Variants in SLFN14 observed in about 807,000 individuals in gnomAD.
The protein encoded by SLFN14 is protein SLFN14.
Under a neutral mutation model 58.6 loss-of-function variants are expected in SLFN14, and 47 were observed. The observed-to-expected ratio is 0.80, with a 90% confidence interval of 0.64 to 1.02. SLFN14 has a LOEUF of 1.02. Ranked by LOEUF, SLFN14 falls within the 50% of genes least tolerant of loss-of-function variation. SLFN14 has a pLI of 0.00. For synonymous variants in SLFN14, 390 were observed against 387.3 expected (o/e 1.01, Z -0.08); for missense variants, 967 against 1,078.4 (o/e 0.90, Z 1.45).
Position 35,548,709 on chromosome 17 carries a change from T to G in SLFN14, c.2269A>C (p.Met757Leu). The G allele has an allele frequency of 1.3e-6, 2 of 1,551,718 alleles. No homozygotes were observed. The highest frequency in any genetic ancestry group is 2.4e-5 in the East Asian group (1 of 40,926). Residue 757 changes from methionine (M) to leucine (L), a missense_variant, in exon 6 of 6, where the codon ATG (methionine) becomes CTG (leucine). By Grantham distance (15) the Met-to-Leu change is conservative. Coordinates refer to ENST00000674182, the MANE Select transcript of SLFN14 (RefSeq NM_001129820.2). ...AACAATGCTAATGTGTCTGGAGACA[T>G]GTTGGAGGGAGGATTTTCTTTGATC... The part of the protein sequence containing the change: ...KRIKENPPSN[M>L]SPDTLALFSE...
chr17:35,558,008 C>T lies in SLFN14; in HGVS notation c.55G>A (p.Val19Met). Residue 19 changes from valine (V) to methionine (M), a missense_variant, in exon 3 of 6, where the codon GTG (valine) becomes ATG (methionine). Coordinates refer to ENST00000674182, the MANE Select transcript of SLFN14 (RefSeq NM_001129820.2). The stretch of plus-strand genomic sequence containing the variant: ...TCTTCTCCAAAAATCACTCTGCCCA[C>T]ATCTACTATTACCTCAGGATACGGC... ...EMPYPEVIVD[V>M]GRVIFGEENR... The T allele has an allele frequency of 6.4e-7, 1 of 1,551,590 alleles. No individual in the cohort carries two copies. Among genetic ancestry groups the T allele is most frequent in the Non-Finnish European group, 8.7e-7 (1 of 1,146,996 alleles).
chr17:35,560,292 A>C (rs2072687860), intron 1 of SLFN14, among the ~76,000 whole-genome samples: 1 of 152,220 alleles, frequency 6.6e-6, no homozygotes, highest in South Asian at 2.1e-4. Flanking sequence ...CTGAGATTCT[A>C]GCTCGAGATG....
chr17:35,551,773 G>A (rs2072590142), intron 5 of SLFN14, among the ~76,000 whole-genome samples: 1 of 139,222 alleles, frequency 7.2e-6, no homozygotes, highest in Middle Eastern at 3.8e-3. Context: ...CTGTTATTAT[G>A]TTAATCAATC....
At chr17:35,555,447 G>C (rs1381273170) in intron 3 of SLFN14, among the ~76,000 whole-genome samples, 3 of 151,996 alleles carry the variant, frequency 2.0e-5, no homozygotes, top group African/African-American at 4.8e-5. Context: ...AGCTGCTCGG[G>C]AGGCTGAGGT....
In SLFN14 at chr17:35,553,207, G is replaced by C. The variant is rs879704702; in HGVS notation, c.1427C>G (p.Pro476Arg). ...PVVLYTILID[P>R]NWPGGLEYAR... is the part of the protein sequence containing the mutation. ...ATATTCAAGTCCTCCAGGCCAATTGGGGTCTATTAAGATTGTATAGAGTAC... is the reference window on the plus strand; with the variant it reads ...ATATTCAAGTCCTCCAGGCCAATTGCGGTCTATTAAGATTGTATAGAGTAC... The change falls in exon 5 of 6, where the codon CCC becomes CGC. Residue 476 changes from proline (P) to arginine (R), a missense_variant. By Grantham distance (103) the Pro-to-Arg change is moderately radical. Coordinates refer to ENST00000674182, the MANE Select transcript of SLFN14 (RefSeq NM_001129820.2). 36 of 1,551,520 alleles carry C rather than the reference G, an allele frequency of 2.3e-5. No individual in the cohort carries two copies. The highest frequency in any genetic ancestry group is 3.1e-5 in the Non-Finnish European group (36 of 1,146,988).
At position 35,548,407 on chromosome 17, in the gene SLFN14, T is replaced by C; in HGVS notation, c.2571A>G (p.Gly857=). The C allele has an allele frequency of 6.4e-7, 1 of 1,551,714 alleles. No homozygotes were observed. The highest frequency in any genetic ancestry group is 8.7e-7 in the Non-Finnish European group (1 of 1,146,996). Reference sequence around the variant, plus strand: ...GAATACTGTCTAAAACAATGTGACTTCCCCAAACACCGGTGGCCGGGCTAA... The same window carrying C: ...GAATACTGTCTAAAACAATGTGACTCCCCCAAACACCGGTGGCCGGGCTAA... ...VVFSPATGVW[G]SHIVLDSIQQ... is the part of the protein sequence containing the mutation. Residue 857 remains glycine, a synonymous_variant, in exon 6 of 6, where the codon GGA becomes GGG. Coordinates refer to ENST00000674182, the MANE Select transcript of SLFN14 (RefSeq NM_001129820.2).
At position 35,553,020 on chromosome 17, in the gene SLFN14, C is replaced by G. The variant is rs1567712266; in HGVS notation, c.1614G>C (p.Glu538Asp). ...RYPRSYRLAD[E>D]EEMEDLLQAL... ...CCTGCAGCAAGTCTTCCATTTCCTCCTCATCAGCAAGCCTGTAGGACCTGG... is the reference window on the plus strand; with the variant it reads ...CCTGCAGCAAGTCTTCCATTTCCTCGTCATCAGCAAGCCTGTAGGACCTGG... Residue 538 changes from glutamate (E) to aspartate (D), a missense_variant, in exon 5 of 6, where the codon GAG becomes GAC. Coordinates refer to ENST00000674182, the MANE Select transcript of SLFN14 (RefSeq NM_001129820.2). 6.4e-7 allele frequency: 1 copy of G among 1,551,630 alleles called. No homozygotes were observed. The highest frequency in any genetic ancestry group is 2.4e-5 in the East Asian group (1 of 40,920).
Position 35,552,946 on chromosome 17 carries a change from A to T in SLFN14, c.1688T>A (p.Met563Lys). 1 of 1,551,584 alleles carries T rather than the reference A, an allele frequency of 6.4e-7. No individual in the cohort carries two copies. The highest frequency in any genetic ancestry group is 1.2e-5 in the South Asian group (1 of 84,054). The change falls in exon 5 of 6, where the codon ATG becomes AAG. Residue 563 changes from methionine (M) to lysine (K), a missense_variant. By Grantham distance (95) the Met-to-Lys change is moderately conservative (BLOSUM62 -1). Transcript: ENST00000674182. ...GAGCAAGTTGAAAAATTCACAGCCC[A>T]TCTGGTCACTCAGAAGAGATCTGGA... ...LSSRSLLSDQMGCEFFNLLIM... is the reference protein window; with the variant it reads ...LSSRSLLSDQKGCEFFNLLIM...
At chr17:35,553,619 G>T in intron 4 of SLFN14, 175 bp from the exon 5 acceptor site, 2 of 599,614 alleles carry the variant, frequency 3.3e-6, no homozygotes, top group South Asian at 2.3e-5. Context: ...CCATCCCCAC[G>T]GACATTTGGC....
At chr17:35,552,057 G>A (rs576508594) in intron 5 of SLFN14, among the ~76,000 whole-genome samples, 1 of 152,144 alleles carries the variant, frequency 6.6e-6, no homozygotes, top group African/African-American at 2.4e-5. Flanking sequence ...TTCAAATGGA[G>A]CCCCAGATGC....
chr17:35,556,335 T>C (rs1207242604), intron 3 of SLFN14, among the ~76,000 whole-genome samples: 1 of 152,188 alleles, frequency 6.6e-6, no homozygotes, highest in Non-Finnish European at 1.5e-5. Flanking sequence ...GAGTTATTCT[T>C]AAACAGTGTT....
chr17:35,550,093 C>G (rs1350754513), intron 5 of SLFN14, among the ~76,000 whole-genome samples: 9 of 152,194 alleles, frequency 5.9e-5, no homozygotes, highest in Non-Finnish European at 1.5e-5. Flanking sequence ...TCAGACCTAC[C>G]ATTCTGGTTC....
chr17:35,557,834 C>G lies in SLFN14; in HGVS notation c.229G>C (p.Gly77Arg). ...KTYSYQCHGLGQDLETSFQKL... is the reference protein window; with the variant it reads ...KTYSYQCHGLRQDLETSFQKL... ...TGAAAAGAAGTTTCCAAATCCTGTCCCAGCCCATGGCATTGGTAACTATAG... is the reference window on the plus strand; with the variant it reads ...TGAAAAGAAGTTTCCAAATCCTGTCGCAGCCCATGGCATTGGTAACTATAG... The change falls in exon 3 of 6, where the codon GGA becomes CGA. Residue 77 changes from glycine (G) to arginine (R), a missense_variant. Transcript: ENST00000674182. 4.5e-6 allele frequency: 7 copies of G among 1,551,698 alleles called. No homozygotes were observed. Among genetic ancestry groups the G allele is most frequent in the Non-Finnish European group, 6.1e-6 (7 of 1,146,994 alleles).
chr17:35,549,407 A>C (rs2072564128), intron 5 of SLFN14, among the ~76,000 whole-genome samples: 1 of 152,248 alleles, frequency 6.6e-6, no homozygotes, highest in Non-Finnish European at 1.5e-5. Flanking sequence ...GAAATCTCAA[A>C]GTTAACTTAC....
intron 3 of SLFN14, 34 bp from the exon 4 acceptor site, chr17:35,554,738 A>G: frequency 7.6e-7 from 1 of 1,317,068 alleles, no homozygotes; most frequent in Non-Finnish European, 9.7e-7. Context: ...TTTCAGACAA[A>G]AAATAAAAAG....
At chr17:35,554,769 G>T (rs778120106) in intron 3 of SLFN14, 65 bp from the exon 4 acceptor site, 30 of 852,866 alleles carry the variant, frequency 3.5e-5, no homozygotes, top group Non-Finnish European at 4.8e-5. Flanking sequence ...AAAAAAAAAA[G>T]CCTCTTTTTT....
Position 35,557,911 on chromosome 17 carries a change from G to A in SLFN14, c.152C>T (p.Ala51Val), listed in dbSNP as rs2072669566. ...CACACCACCTCCAGAATTTAACAGT[G>A]CACATATAGCCCGGATAATTCTAGA... Reference protein sequence around the residue: ...ENSRIIRAICALLNSGGGVIK... With the variant: ...ENSRIIRAICVLLNSGGGVIK... Residue 51 changes from alanine to valine, a missense_variant, in exon 3 of 6, where the codon GCA becomes GTA. Physicochemically the swap from Ala to Val is moderately conservative, Grantham distance 64. Coordinates refer to ENST00000674182, the MANE Select transcript of SLFN14 (RefSeq NM_001129820.2). 1.3e-6 allele frequency: 2 copies of A among 1,551,548 alleles called. No homozygotes were observed. The highest frequency in any genetic ancestry group is 1.7e-6 in the Non-Finnish European group (2 of 1,147,002).
rs372213109 is a variant in SLFN14 at position 35,548,771 on chromosome 17, A to G, written c.2207T>C (p.Leu736Pro). 20 of 1,551,528 alleles carry G rather than the reference A, an allele frequency of 1.3e-5. No individual in the cohort carries two copies. The highest frequency in any genetic ancestry group is 1.7e-5 in the Non-Finnish European group (20 of 1,146,964). ...TTCTTTCATAACCTTCGCTATTTCCAGAGCACAGTGGATCCCACTGGTGAT... is the reference window on the plus strand; with the variant it reads ...TTCTTTCATAACCTTCGCTATTTCCGGAGCACAGTGGATCCCACTGGTGAT... ...KTITSGIHCALEIAKVMKEEM... is the reference protein window; with the variant it reads ...KTITSGIHCAPEIAKVMKEEM... Residue 736 changes from leucine (L) to proline (P), a missense_variant, in exon 6 of 6, where the codon CTG becomes CCG. By Grantham distance (98) the Leu-to-Pro change is moderately conservative. Transcript: ENST00000674182.
At chr17:35,550,314 G>A (rs981523358) in intron 5 of SLFN14, among the ~76,000 whole-genome samples, 3 of 152,240 alleles carry the variant, frequency 2.0e-5, no homozygotes, top group African/African-American at 7.2e-5. Context: ...GCGAGAAGGA[G>A]GTGGGCGGAT....
Sources: allele counts gnomAD v4.1 joint callset (sites outside exome capture counted in the v4.1 genomes callset), GRCh38; gene constraint gnomAD v4.1.1; transcripts MANE v1.5; gene names NCBI Gene and HGNC (gene_info 2026-07-23, HGNC 2026-07-21).